IGSF10: variants seen among roughly 807,000 people sequenced by gnomAD.
IGSF10 encodes calvaria mechanical force protein 608.
In IGSF10, 126 loss-of-function variants were observed where a neutral mutation model predicts 128.2. The ratio of observed to expected loss-of-function variants is 0.98; its 90% CI spans 0.85 to 1.14. The LOEUF (loss-of-function observed/expected upper bound fraction) is 1.14. Ranked by LOEUF, IGSF10 falls within the 50% of genes most tolerant of loss-of-function variation. The probability of loss-of-function intolerance (pLI) is 0.00; values close to 1 mark genes in which losing one functional copy is unlikely to be tolerated. For synonymous variants in IGSF10, 1,185 were observed against 1,146.2 expected, an observed-to-expected ratio of 1.03 and a Z score of -0.68; for missense variants, 3,295 against 3,149.8, an observed-to-expected ratio of 1.05 and a Z score of -1.10.
the IGSF10 span, among the ~76,000 whole-genome samples, chr3:151,480,266 T>C: frequency 2.0e-5 from 3 of 152,106 alleles, no homozygotes; most frequent in Non-Finnish European, 4.4e-5. Flanking sequence ...GGATGCTGCA[T>C]GGAGAAGGGA....
intron 7 of IGSF10, among the ~76,000 whole-genome samples, chr3:151,442,067 T>A (rs1720890681): frequency 6.6e-6 from 1 of 152,116 alleles, no homozygotes; most frequent in Non-Finnish European, 1.5e-5. Flanking sequence ...TCTCAAAAAA[T>A]ATATATATTC....
chr3:151,601,943 T>C, the IGSF10 span, among the ~76,000 whole-genome samples: 6 of 152,282 alleles, frequency 3.9e-5, no homozygotes, highest in East Asian at 1.2e-3. Flanking sequence ...TCCTCACAAG[T>C]ATGCTTTTTG....
chr3:151,528,449 C>A, the IGSF10 span, among the ~76,000 whole-genome samples: 1 of 152,178 alleles, frequency 6.6e-6, no homozygotes, highest in Non-Finnish European at 1.5e-5. Context: ...GTCTGTAGCT[C>A]CCAGCAAGAC....
chr3:151,571,533 G>A, the IGSF10 span, among the ~76,000 whole-genome samples: 1 of 152,226 alleles, frequency 6.6e-6, no homozygotes, highest in East Asian at 1.9e-4. Flanking sequence ...TCTGTTATTG[G>A]TGTATAGGAA....
the IGSF10 span, among the ~76,000 whole-genome samples, chr3:151,599,472 T>C: frequency 6.6e-6 from 1 of 152,112 alleles, no homozygotes; most frequent in African/African-American, 2.4e-5. Context: ...GTTGTCAAGA[T>C]AACAGAGGCA....
chr3:151,514,937 A>G, the IGSF10 span, among the ~76,000 whole-genome samples: 1 of 152,330 alleles, frequency 6.6e-6, no homozygotes, highest in Admixed American at 6.5e-5. Flanking sequence ...CCCACCAGTT[A>G]GAATGGCGAT....
Position 151,437,365 on chromosome 3 carries a change from GAA to G in IGSF10, c.7194_7195del (p.Ser2399Ter), listed in dbSNP as rs1189739417. On this transcript the variant is annotated frameshift_variant, in exon 8 of 8. Coordinates refer to ENST00000282466, the MANE Select transcript of IGSF10 (RefSeq NM_178822.5). LOFTEE classifies it low-confidence loss of function (END_TRUNC). The stretch of plus-strand genomic sequence containing the variant: ...TCCTGCATCCTCCCGAGTTGTTTTA[GAA>G]ATGATAAAAGAACCATTGCTTGCTA... 1.9e-6 allele frequency: 3 copies of G among 1,614,024 alleles called. No individual in the cohort carries two copies. Among genetic ancestry groups the G allele is most frequent in the African/African-American group, 2.7e-5 (2 of 74,914 alleles).
the IGSF10 span, among the ~76,000 whole-genome samples, chr3:151,562,296 G>A: frequency 6.6e-6 from 1 of 152,050 alleles, no homozygotes; most frequent in East Asian, 1.9e-4. Flanking sequence ...TCTAAAAAAG[G>A]GGAATATTAA....
Position 151,447,364 on chromosome 3 carries a change from T to C in IGSF10, c.2617A>G (p.Asn873Asp). The change falls in exon 6 of 8, where the codon AAT (asparagine) becomes GAT (aspartate). Residue 873 changes from asparagine to aspartate, a missense_variant. By Grantham distance (23) the Asn-to-Asp change is conservative. Coordinates refer to ENST00000282466, the MANE Select transcript of IGSF10 (RefSeq NM_178822.5). ...TGGCTTGACATGGTTGGGTTTATAT[T>C]CTTTGACATGGCTGTAGTTTTAATA... is the stretch of plus-strand genomic sequence containing the variant. The part of the protein sequence containing the change: ...TAIKTTAMSK[N>D]INPTMSSQIQ... 6.2e-7 allele frequency: 1 copy of C among 1,614,188 alleles called. No individual in the cohort carries two copies. Among genetic ancestry groups the C allele is most frequent in the Non-Finnish European group, 8.5e-7 (1 of 1,180,030 alleles).
rs750121143 is a variant in IGSF10, at chr3:151,437,251, T to TAAA, written c.7309_7310insTTT (p.Thr2436_Tyr2437insPhe). The TAAA allele has an allele frequency of 3.1e-6, 5 of 1,614,074 alleles. No homozygotes were observed. Among genetic ancestry groups the TAAA allele is most frequent in the Non-Finnish European group, 4.2e-6 (5 of 1,180,034 alleles). ...GATGCCTTTTACTGTCCCTGGTGCA[T>TAAA]AGGTAAGAATAACTGGCTTCTGGCC... On this transcript the variant is annotated inframe_insertion, in exon 8 of 8. Coordinates refer to ENST00000282466, the MANE Select transcript of IGSF10 (RefSeq NM_178822.5).
chr3:151,508,117 A>G, the IGSF10 span, among the ~76,000 whole-genome samples: 1 of 152,184 alleles, frequency 6.6e-6, no homozygotes, highest in African/African-American at 2.4e-5. Flanking sequence ...AATTCTATAT[A>G]CAGAGTGTAC....
chr3:151,527,059 A>G, the IGSF10 span, among the ~76,000 whole-genome samples: 2 of 152,218 alleles, frequency 1.3e-5, no homozygotes, highest in Admixed American at 1.3e-4. Context: ...AACTTTTGGT[A>G]GAATTTGTAG....
the IGSF10 span, among the ~76,000 whole-genome samples, chr3:151,612,514 T>A: frequency 6.6e-6 from 1 of 152,142 alleles, no homozygotes; most frequent in African/African-American, 2.4e-5. Context: ...GTCAGAGGGA[T>A]AGAGCAATAA....
At chr3:151,514,751 G>T in the IGSF10 span, among the ~76,000 whole-genome samples, 5 of 151,968 alleles carry the variant, frequency 3.3e-5, no homozygotes, top group African/African-American at 1.2e-4. Flanking sequence ...AATCTACAAT[G>T]AACTCAAACA....
the IGSF10 span, among the ~76,000 whole-genome samples, chr3:151,470,314 T>G: frequency 6.6e-6 from 1 of 152,314 alleles, no homozygotes; most frequent in East Asian, 1.9e-4. Flanking sequence ...GTCCACCATT[T>G]GGGATGTGAC....
the IGSF10 span, among the ~76,000 whole-genome samples, chr3:151,538,943 A>G: frequency 6.6e-6 from 1 of 152,210 alleles, no homozygotes; most frequent in Non-Finnish European, 1.5e-5. Context: ...ACATCCCAAT[A>G]ACAATAATAC....
At position 151,438,383 on chromosome 3, in the gene IGSF10, A is replaced by T; in HGVS notation, c.6178T>A (p.Cys2060Ser). 6.2e-7 allele frequency: 1 copy of T among 1,614,166 alleles called. No individual in the cohort carries two copies. Among genetic ancestry groups the T allele is most frequent in the African/African-American group, 1.3e-5 (1 of 75,028 alleles). The change falls in exon 8 of 8, where the codon TGC becomes AGC. Residue 2060 changes from cysteine (C) to serine (S), a missense_variant. Transcript: ENST00000282466. ...GGCACTGGGGAGCCGGAAGCTTTGC[A>T]ATCTACTTGGAAATCTTTCCCATGG... is the stretch of plus-strand genomic sequence containing the variant. ...VLHGKDFQVD[C>S]KASGSPVPEI...
chr3:151,536,611 A>C, the IGSF10 span, among the ~76,000 whole-genome samples: 1 of 152,102 alleles, frequency 6.6e-6, no homozygotes, highest in African/African-American at 2.4e-5. Context: ...TTCTACTGTA[A>C]AGCTTAACCT....
chr3:151,578,954 C>G, the IGSF10 span, among the ~76,000 whole-genome samples: 26 of 152,272 alleles, frequency 1.7e-4, no homozygotes, highest in Admixed American at 1.7e-3. Context: ...CCACCTACTA[C>G]TACCACGCTA....
Sources: allele counts gnomAD v4.1 joint callset (sites outside exome capture counted in the v4.1 genomes callset), GRCh38; gene constraint gnomAD v4.1.1; transcripts MANE v1.5; gene names NCBI Gene and HGNC (gene_info 2026-07-23, HGNC 2026-07-21).